The following PAK5 variants were observed in gnomAD, a reference collection of about 807,000 sequenced individuals.
PAK5 encodes serine/threonine-protein kinase PAK 5.
In PAK5, 16 loss-of-function variants were observed where a neutral mutation model predicts 65.9. That is an observed-to-expected ratio of 0.24 (90% CI 0.16 to 0.37). The LOEUF (loss-of-function observed/expected upper bound fraction) is 0.37. PAK5 is among the 10% of genes least tolerant of loss of function. The probability of loss-of-function intolerance (pLI) is 1.00; values close to 1 mark genes in which losing one functional copy is unlikely to be tolerated. For synonymous variants in PAK5, 371 were observed against 354.9 expected (o/e 1.05, Z -0.51); for missense variants, 785 against 903.9 (o/e 0.87, Z 1.69).
intron 1 of PAK5, among the ~76,000 whole-genome samples, chr20:9,747,270 G>T (rs1247381111): frequency 6.6e-6 from 1 of 152,102 alleles, no homozygotes; most frequent in African/African-American, 2.4e-5. Flanking sequence ...GGAGGAACTG[G>T]TACCATTCCT....
intron 1 of PAK5, among the ~76,000 whole-genome samples, chr20:9,817,046 C>T (rs924744170): frequency 6.6e-6 from 1 of 152,212 alleles, no homozygotes; most frequent in Admixed American, 6.5e-5. Context: ...ACAAGGAAGG[C>T]TGAGGCAGGA....
intron 1 of PAK5, among the ~76,000 whole-genome samples, chr20:9,801,100 T>C (rs2049163777): frequency 6.6e-6 from 1 of 152,088 alleles, no homozygotes; most frequent in Non-Finnish European, 1.5e-5. Flanking sequence ...ATAGAAGACA[T>C]AGAGGTTTCC....
At chr20:9,577,861 TTGGTGG>T (rs971502873) in intron 4 of PAK5, among the ~76,000 whole-genome samples, 1 of 152,120 alleles carries the variant, frequency 6.6e-6, no homozygotes, top group Non-Finnish European at 1.5e-5. Flanking sequence ...GTTGTTGTTG[TTGGTGG>T]TGGTGAGCCA....
At chr20:9,790,593 A>G (rs2083542617) in intron 1 of PAK5, among the ~76,000 whole-genome samples, 1 of 151,912 alleles carries the variant, frequency 6.6e-6, no homozygotes, top group Admixed American at 6.6e-5. Context: ...GCAGCATCCA[A>G]CTCCTGGGCT....
Position 9,566,492 on chromosome 20 carries a change from G to A in PAK5, c.991-108C>T, listed in dbSNP as rs908022385. 2.8e-6 allele frequency: 3 copies of A among 1,088,974 alleles called. No individual in the cohort carries two copies. The African/African-American group carries it at 4.6e-5, about 17-fold the overall frequency. The allele number at this position is 1,088,974 out of a possible 1,614,324, so 67.5% of individuals were successfully genotyped here. A position where few individuals can be genotyped will look rare whatever the true frequency, so the allele number is the denominator to read the frequency against. Reference sequence around the variant, plus strand: ...CTGGCAGAATGAGGATCACCAGTGGGAGATGAGAGGATCTGGCTGGGGCAC... The same window carrying A: ...CTGGCAGAATGAGGATCACCAGTGGAAGATGAGAGGATCTGGCTGGGGCAC... On this transcript the variant is annotated intron_variant, in intron 4 of 9. Coordinates refer to ENST00000353224, the MANE Select transcript of PAK5 (RefSeq NM_177990.4).
intron 1 of PAK5, among the ~76,000 whole-genome samples, chr20:9,811,933 C>T (rs1013289357): frequency 2.0e-5 from 3 of 152,086 alleles, no homozygotes; most frequent in South Asian, 2.1e-4. Flanking sequence ...TATCTCCATC[C>T]ACCTCAGTTT....
At chr20:9,599,650 C>A (rs577582103) in intron 3 of PAK5, among the ~76,000 whole-genome samples, 115 of 152,176 alleles carry the variant, frequency 7.6e-4, no homozygotes, top group Admixed American at 1.7e-3. Context: ...ATCTATATAT[C>A]TTCTCTGGAG....
At chr20:9,689,353 T>C (rs772517150) in intron 2 of PAK5, among the ~76,000 whole-genome samples, 1 of 152,192 alleles carries the variant, frequency 6.6e-6, no homozygotes, top group Non-Finnish European at 1.5e-5. Flanking sequence ...CTCAGCCAAA[T>C]ACCAATTACC....
chr20:9,665,085 G>GTGTTTTTTTTT (rs2047397145), intron 2 of PAK5, among the ~76,000 whole-genome samples: 1 of 98,920 alleles, frequency 1.0e-5, no homozygotes, highest in Admixed American at 1.3e-4. Context: ...AAATTTTTCT[G>GTGTTTTTTTTT]TTTTTTTTTT....
intron 2 of PAK5, among the ~76,000 whole-genome samples, chr20:9,684,747 A>G (rs1452783871): frequency 6.6e-6 from 1 of 152,214 alleles, no homozygotes; most frequent in Non-Finnish European, 1.5e-5. Context: ...AGTATTTTTA[A>G]GCCTCTTAAT....
At chr20:9,695,739 G>A (rs539322861) in intron 2 of PAK5, among the ~76,000 whole-genome samples, 92 of 151,984 alleles carry the variant, frequency 6.1e-4, no homozygotes, top group African/African-American at 1.7e-3. Context: ...GGATACTGTT[G>A]AGAAGCTATT....
intron 4 of PAK5, among the ~76,000 whole-genome samples, chr20:9,568,430 T>C (rs2045719924): frequency 6.6e-6 from 1 of 152,140 alleles, no homozygotes. Flanking sequence ...CAACAGGCCA[T>C]TTAATGAGAT....
intron 7 of PAK5, among the ~76,000 whole-genome samples, chr20:9,547,309 T>G: frequency 6.6e-6 from 1 of 152,196 alleles, no homozygotes; most frequent in East Asian, 1.9e-4. Flanking sequence ...ATACATTTCA[T>G]GCAGAGAGAA....
chr20:9,713,945 G>T (rs2048109725), intron 1 of PAK5, among the ~76,000 whole-genome samples: 1 of 151,980 alleles, frequency 6.6e-6, no homozygotes, highest in African/African-American at 2.4e-5. Context: ...ATTTGGGAGT[G>T]CCATAGGAAA....
chr20:9,752,881 C>G (rs868093596), intron 1 of PAK5, among the ~76,000 whole-genome samples: 4 of 152,068 alleles, frequency 2.6e-5, no homozygotes, highest in Non-Finnish European at 5.9e-5. Context: ...TTGAAGGAGG[C>G]AGAAGCACGC....
intron 7 of PAK5, among the ~76,000 whole-genome samples, chr20:9,549,935 C>T (rs1165653352): frequency 6.6e-6 from 1 of 152,166 alleles, no homozygotes; most frequent in Non-Finnish European, 1.5e-5. Flanking sequence ...AGGCACAGAC[C>T]ACAGACAGTT....
intron 2 of PAK5, among the ~76,000 whole-genome samples, chr20:9,659,449 C>G (rs886720138): frequency 3.9e-5 from 6 of 152,112 alleles, no homozygotes; most frequent in African/African-American, 1.2e-4. Context: ...CAATGGTGTT[C>G]GACTTATTTC....
chr20:9,732,923 C>G (rs1296003768), intron 1 of PAK5, among the ~76,000 whole-genome samples: 6 of 152,202 alleles, frequency 3.9e-5, no homozygotes, highest in Non-Finnish European at 1.5e-5. Context: ...AACCCTAAAA[C>G]AGTAGCATAA....
At chr20:9,607,432 G>T (rs1282542239) in intron 3 of PAK5, among the ~76,000 whole-genome samples, 1 of 152,198 alleles carries the variant, frequency 6.6e-6, no homozygotes, top group Non-Finnish European at 1.5e-5. Flanking sequence ...CTTTCAATTG[G>T]ATCTTCATTA....
Sources: gnomAD v4.1 joint callset for allele counts (sites outside exome capture counted in the v4.1 genomes callset) on GRCh38, gnomAD v4.1.1 for gene constraint, MANE v1.5 for transcripts, NCBI Gene and HGNC (gene_info 2026-07-23, HGNC 2026-07-21) for gene names.